Variants in COG6 observed in about 807,000 individuals in gnomAD.
COG6 encodes conserved oligomeric Golgi complex subunit 6.
COG6 carries 74 observed loss-of-function variants against 88.8 expected under a neutral mutation model. The ratio of observed to expected loss-of-function variants is 0.83; its 90% CI spans 0.69 to 1.01. The LOEUF (loss-of-function observed/expected upper bound fraction) is 1.01. Ranked by LOEUF, COG6 falls within the 50% of genes least tolerant of loss-of-function variation. The probability of loss-of-function intolerance (pLI) is 0.00; values close to 1 mark genes in which losing one functional copy is unlikely to be tolerated. For synonymous variants in COG6, 286 were observed against 278.7 expected (o/e 1.03, Z -0.26); for missense variants, 800 against 797.9 (o/e 1.00, Z -0.03).
intron 1 of COG6, chr13:39,656,980 A>G (rs975165177): frequency 4.6e-6 from 2 of 431,134 alleles, no homozygotes; most frequent in Admixed American, 2.6e-5. Context: ...AATGTGTCTC[A>G]TATTGATATT....
intron 15 of COG6, among the ~76,000 whole-genome samples, chr13:39,722,495 G>A (rs1187795892): frequency 4.0e-5 from 6 of 151,480 alleles, no homozygotes; most frequent in African/African-American, 1.5e-4. Context: ...CAATCATTTA[G>A]ATGGTAACAG....
chr13:39,714,981 A>T (rs9566472), intron 13 of COG6, among the ~76,000 whole-genome samples: 62,665 of 151,958 alleles, frequency 0.41, 13,285 homozygotes, highest in Admixed American at 0.57. Flanking sequence ...GTATGTTCTT[A>T]CTTGTAAGTG....
intron 18 of COG6, chr13:39,785,373 G>A (rs1881741257): frequency 6.6e-6 from 1 of 152,110 alleles, no homozygotes; most frequent in Non-Finnish European, 1.5e-5. Flanking sequence ...TTTACTTTGG[G>A]TCTTCACTGG....
chr13:39,699,201 G>T (rs946880623), intron 12 of COG6, among the ~76,000 whole-genome samples: 2 of 150,642 alleles, frequency 1.3e-5, no homozygotes, highest in Non-Finnish European at 3.0e-5. Context: ...TCTAATAGAG[G>T]AAAAATAGAG....
chr13:39,753,573 T>G (rs1880736097), downstream of COG6, among the ~76,000 whole-genome samples: 1 of 152,162 alleles, frequency 6.6e-6, no homozygotes, highest in Non-Finnish European at 1.5e-5. Context: ...TTAATCTTCC[T>G]CATTTTCCTA....
intron 16 of COG6, among the ~76,000 whole-genome samples, chr13:39,723,979 A>G (rs1878992405): frequency 6.6e-6 from 1 of 152,016 alleles, no homozygotes; most frequent in Admixed American, 6.6e-5. Context: ...GAGTGGTGGG[A>G]ACCTTAGAAA....
In COG6 at chr13:39,713,637, A is replaced by G. The variant is rs567659820; in HGVS notation, c.1285-5599A>G. On this transcript the variant is annotated intron_variant, in intron 13 of 18. Transcript: ENST00000455146. ...TGTAGTCCCAGCTACTCGGGAGGCC[A>G]AGGCAGGAGAATGGCATGAACCTGG... 5.2e-3 allele frequency among the ~76,000 whole-genome samples: 795 copies of G among 152,196 alleles called. 7 individuals are homozygous for G. The highest frequency in any genetic ancestry group is 0.017 in the African/African-American group (713 of 41,522).
chr13:39,723,454 T>C lies in COG6; in HGVS notation c.1692+14T>C, dbSNP rs1878962134. On this transcript the variant is annotated intron_variant, in intron 16 of 18. Coordinates refer to ENST00000455146, the MANE Select transcript of COG6 (RefSeq NM_020751.3). ...AAACCTGAACAGGTAAGTGCATAGA[T>C]GTTCCTTCCTAATTCTAAGAACATG... 5 of 1,404,902 alleles carry C rather than the reference T, an allele frequency of 3.6e-6. No individual in the cohort carries two copies. The highest frequency in any genetic ancestry group is 5.1e-6 in the Non-Finnish European group (5 of 990,092). 87.0% of individuals were successfully genotyped at this position (1,404,902 alleles called of 1,614,324 possible).
At chr13:39,748,548 G>A (rs1366645994) in intron 18 of COG6, among the ~76,000 whole-genome samples, 2 of 152,006 alleles carry the variant, frequency 1.3e-5, no homozygotes, top group East Asian at 3.9e-4. Flanking sequence ...CGGGAAGGCA[G>A]AGGTTGCAGT....
chr13:39,741,400 G>C (rs1880035443), intron 18 of COG6, among the ~76,000 whole-genome samples: 1 of 152,168 alleles, frequency 6.6e-6, no homozygotes, highest in Non-Finnish European at 1.5e-5. Context: ...TAACAGTGTA[G>C]AGAAGACCTT....
At chr13:39,734,557 G>A (rs1366779632) in intron 18 of COG6, among the ~76,000 whole-genome samples, 1 of 152,114 alleles carries the variant, frequency 6.6e-6, no homozygotes, top group Non-Finnish European at 1.5e-5. Context: ...GTGCTGCAGA[G>A]AAAATGTTTA....
chr13:39,771,779 C>T (rs761208234), intron 18 of COG6, among the ~76,000 whole-genome samples: 1 of 152,230 alleles, frequency 6.6e-6, no homozygotes, highest in Non-Finnish European at 1.5e-5. Context: ...AAAATGACCA[C>T]GGGCCCTTCT....
At chr13:39,701,994 AAG>A (rs1304105587) in intron 13 of COG6, among the ~76,000 whole-genome samples, 1 of 152,084 alleles carries the variant, frequency 6.6e-6, no homozygotes, top group African/African-American at 2.4e-5. Flanking sequence ...TCAAGAAAAA[AAG>A]AAAATTAGAA....
intron 18 of COG6, among the ~76,000 whole-genome samples, chr13:39,738,213 C>T (rs1162340093): frequency 6.6e-6 from 1 of 152,036 alleles, no homozygotes; most frequent in East Asian, 1.9e-4. Flanking sequence ...TCTCTGGAGG[C>T]TTCTATTTGC....
chr13:39,665,059 T>G (rs1875163553), intron 3 of COG6, 37 bp from the exon 4 acceptor site: 2 of 946,730 alleles, frequency 2.1e-6, no homozygotes. Flanking sequence ...ATAATAAAAT[T>G]GGAATTTACT....
At chr13:39,660,759 T>G in intron 2 of COG6, 51 bp from the exon 3 acceptor site, 1 of 1,190,754 alleles carries the variant, frequency 8.4e-7, no homozygotes, top group Non-Finnish European at 1.3e-6. Context: ...CAGAAGAGAA[T>G]CTTCTTCTTG....
intron 15 of COG6, 31 bp downstream of exon 15, chr13:39,719,858 A>G (rs749507606): frequency 1.3e-6 from 2 of 1,548,938 alleles, no homozygotes; most frequent in East Asian, 2.3e-5. Context: ...ACTATTGACT[A>G]TGATTGAATC....
At chr13:39,719,453 A>G (rs1025570321) in intron 14 of COG6, 86 bp downstream of exon 14, 4 of 1,350,706 alleles carry the variant, frequency 3.0e-6, no homozygotes, top group Non-Finnish European at 4.2e-6. Flanking sequence ...TAATTCATAT[A>G]CTTTGACAGT....
chr13:39,713,836 C>A (rs190052645), intron 13 of COG6, among the ~76,000 whole-genome samples: 87 of 152,288 alleles, frequency 5.7e-4, no homozygotes, highest in Admixed American at 9.2e-4. Context: ...TGAGCTATTT[C>A]TCCTCCTTAG....
Sources: allele counts gnomAD v4.1 joint callset (sites outside exome capture counted in the v4.1 genomes callset), GRCh38; gene constraint gnomAD v4.1.1; transcripts MANE v1.5; gene names NCBI Gene and HGNC (gene_info 2026-07-23, HGNC 2026-07-21).